ELMO1: variants seen among roughly 807,000 people sequenced by gnomAD.
The protein encoded by ELMO1 is engulfment and cell motility 1.
ELMO1 carries 26 observed loss-of-function variants against 98.9 expected under a neutral mutation model. The observed-to-expected ratio is 0.26, with a 90% confidence interval of 0.19 to 0.36. The LOEUF (loss-of-function observed/expected upper bound fraction) is 0.36, where lower values mean the gene tolerates loss of function less well. ELMO1 is among the 10% of genes least tolerant of loss of function. The pLI is 1.00. For missense variants in ELMO1, 627 were observed against 935.2 expected (o/e 0.67, Z 4.30); for synonymous variants, 346 against 346.0 (o/e 1.00, Z 0.00).
intron 13 of ELMO1, among the ~76,000 whole-genome samples, chr7:37,155,525 T>G (rs965895011): frequency 1.9e-5 from 2 of 104,258 alleles, no homozygotes; most frequent in Non-Finnish European, 4.3e-5. Flanking sequence ...GTTGCAATCC[T>G]GGTCTCTGAT....
At chr7:37,288,424 C>T (rs1797510271) in intron 4 of ELMO1, among the ~76,000 whole-genome samples, 1 of 152,204 alleles carries the variant, frequency 6.6e-6, no homozygotes, top group Admixed American at 6.5e-5. Flanking sequence ...GGGGTTTCTC[C>T]ATGTTGGTCA....
chr7:37,429,775 A>G (rs1804856444), intron 1 of ELMO1: 1 of 152,316 alleles, frequency 6.6e-6, no homozygotes, highest in Admixed American at 6.5e-5. Flanking sequence ...GACATTTAAG[A>G]TGGCATTAGG....
chr7:36,943,594 C>A (rs906517297), intron 16 of ELMO1, among the ~76,000 whole-genome samples: 3 of 152,164 alleles, frequency 2.0e-5, no homozygotes, highest in African/African-American at 7.2e-5. Flanking sequence ...TGTACAACTG[C>A]TACGTAAGAA....
intron 15 of ELMO1, among the ~76,000 whole-genome samples, chr7:37,014,784 A>G (rs548140976): frequency 2.6e-5 from 4 of 151,866 alleles, no homozygotes; most frequent in Non-Finnish European, 4.4e-5. Context: ...TCAGAATGGA[A>G]GGGTTTCAGG....
intron 20 of ELMO1, among the ~76,000 whole-genome samples, chr7:36,863,050 A>T (rs1365324841): frequency 2.0e-5 from 3 of 152,174 alleles, no homozygotes; most frequent in Non-Finnish European, 4.4e-5. Flanking sequence ...GCTCTCATGG[A>T]GTTCTCAGTG....
chr7:37,196,730 C>T (rs1791985049), intron 13 of ELMO1, among the ~76,000 whole-genome samples: 1 of 152,184 alleles, frequency 6.6e-6, no homozygotes, highest in Non-Finnish European at 1.5e-5. Flanking sequence ...CATATGTCTC[C>T]TTGTGCTGCT....
At chr7:37,332,221 A>G (rs1489763661) in intron 2 of ELMO1, among the ~76,000 whole-genome samples, 1 of 152,272 alleles carries the variant, frequency 6.6e-6, no homozygotes, top group Non-Finnish European at 1.5e-5. Context: ...ATAAAATGTA[A>G]TAATGTATTT....
chr7:37,055,753 A>C (rs1419028685), intron 15 of ELMO1, among the ~76,000 whole-genome samples: 2 of 152,192 alleles, frequency 1.3e-5, no homozygotes, highest in East Asian at 3.9e-4. Flanking sequence ...GGACCACTGC[A>C]TCCAGTTGAG....
chr7:37,042,235 G>A (rs924552389), intron 15 of ELMO1, among the ~76,000 whole-genome samples: 1 of 150,518 alleles, frequency 6.6e-6, no homozygotes, highest in African/African-American at 2.4e-5. Context: ...AAAGAAGAGA[G>A]AGAAAGAAAG....
intron 2 of ELMO1, among the ~76,000 whole-genome samples, chr7:37,319,781 C>T (rs1452098564): frequency 6.6e-6 from 1 of 152,186 alleles, no homozygotes; most frequent in African/African-American, 2.4e-5. Context: ...CAACCTCTCT[C>T]CCTTTTTATC....
chr7:36,876,645 C>T (rs1195636867), intron 19 of ELMO1, among the ~76,000 whole-genome samples: 1 of 152,114 alleles, frequency 6.6e-6, no homozygotes, highest in Non-Finnish European at 1.5e-5. Flanking sequence ...CTAGGTGATA[C>T]TGCTGCTGAT....
At chr7:37,362,357 TATA>T (rs1192558951) in intron 1 of ELMO1, among the ~76,000 whole-genome samples, 2 of 152,126 alleles carry the variant, frequency 1.3e-5, no homozygotes. Flanking sequence ...ATGGTACAGT[TATA>T]ATATGACAGG....
intron 13 of ELMO1, among the ~76,000 whole-genome samples, chr7:37,177,170 G>A (rs1207758781): frequency 6.6e-6 from 1 of 152,218 alleles, no homozygotes; most frequent in Admixed American, 6.5e-5. Flanking sequence ...TGTTCTAGCA[G>A]AAGATTGTCA....
chr7:37,378,826 T>C (rs987071901), intron 1 of ELMO1, among the ~76,000 whole-genome samples: 5 of 152,148 alleles, frequency 3.3e-5, no homozygotes, highest in Admixed American at 3.3e-4. Flanking sequence ...CAAACCTATC[T>C]TCTCCTTTCA....
rs1312868260 is a variant in ELMO1 at position 36,854,473 on chromosome 7, CTTCTT to C, written c.*1073_*1077del. Reference sequence around the variant, plus strand: ...TGGAAATTCACACATTTATGTATCTCTTCTTTTCATTAAATATATATCTGTTTGGC... The same window carrying C: ...TGGAAATTCACACATTTATGTATCTCTTCATTAAATATATATCTGTTTGGC... On this transcript the variant is annotated 3_prime_UTR_variant, in exon 22 of 22. Transcript: ENST00000310758. 2 of 149,024 alleles carry C rather than the reference CTTCTT, an allele frequency of 1.3e-5. No homozygotes were observed. The highest frequency in any genetic ancestry group is 5.0e-5 in the African/African-American group (2 of 39,904). The allele number at this position is 149,024 out of a possible 1,614,324, so 9.2% of individuals were successfully genotyped here.
chr7:36,889,666 G>A (rs1763226527), intron 17 of ELMO1, among the ~76,000 whole-genome samples: 1 of 152,238 alleles, frequency 6.6e-6, no homozygotes, highest in Admixed American at 6.5e-5. Flanking sequence ...GGAAACAACT[G>A]AAGGAATTCT....
intron 1 of ELMO1, among the ~76,000 whole-genome samples, chr7:37,409,579 A>G (rs1412208538): frequency 6.6e-6 from 1 of 152,162 alleles, no homozygotes; most frequent in Non-Finnish European, 1.5e-5. Context: ...AGTTGAGGCT[A>G]ATTGTTAGAT....
chr7:37,041,074 C>T (rs1363845065), intron 15 of ELMO1, among the ~76,000 whole-genome samples: 4 of 151,720 alleles, frequency 2.6e-5, no homozygotes, highest in African/African-American at 4.8e-5. Flanking sequence ...AGTGAGATTC[C>T]GTCTCAAAAA....
intron 10 of ELMO1, among the ~76,000 whole-genome samples, chr7:37,220,126 A>T (rs1793512761): frequency 6.6e-6 from 1 of 152,252 alleles, no homozygotes. Context: ...ACTGACCTTC[A>T]GAAAATAATA....
Sources: gnomAD v4.1 joint callset for allele counts (sites outside exome capture counted in the v4.1 genomes callset) on GRCh38, gnomAD v4.1.1 for gene constraint, MANE v1.5 for transcripts, NCBI Gene and HGNC (gene_info 2026-07-23, HGNC 2026-07-21) for gene names.